The following KIF26B variants were observed in gnomAD, a reference collection of about 807,000 sequenced individuals.
The protein encoded by KIF26B is kinesin family member 26B, also known as kinesin-like protein KIF26B.
A neutral mutation model predicts 151.2 loss-of-function variants in KIF26B; 63 were observed. That is an observed-to-expected ratio of 0.42 (90% CI 0.34 to 0.51). The LOEUF is 0.51. Among genes scored for constraint, KIF26B ranks in the 20% least tolerant of loss-of-function variants. KIF26B has a pLI of 0.07. For missense variants in KIF26B, 2,813 were observed against 2,913.6 expected (o/e 0.97, Z 0.79); for synonymous variants, 1,357 against 1,262.1 (o/e 1.08, Z -1.59).
chr1:245,593,632 A>G (rs2043311996), intron 5 of KIF26B, among the ~76,000 whole-genome samples: 1 of 152,198 alleles, frequency 6.6e-6, no homozygotes, highest in Non-Finnish European at 1.5e-5. Flanking sequence ...CAATAAACAT[A>G]CGTGTGCATG....
At chr1:245,410,650 A>G (rs1049539372) in intron 3 of KIF26B, among the ~76,000 whole-genome samples, 13 of 152,130 alleles carry the variant, frequency 8.5e-5, no homozygotes, top group Non-Finnish European at 1.6e-4. Context: ...GGGTTTCACC[A>G]TGTTACCCAG....
chr1:245,662,394 T>TACACACACACCATATATATATAC (rs142122330), intron 10 of KIF26B, among the ~76,000 whole-genome samples: 5 of 144,608 alleles, frequency 3.5e-5, no homozygotes, highest in Non-Finnish European at 7.5e-5. Context: ...CATATATATA[T>TACACACACACCATATATATATAC]ACACACACAT....
intron 5 of KIF26B, among the ~76,000 whole-genome samples, chr1:245,574,864 C>CTTTT (rs201010492): frequency 1.6e-5 from 2 of 126,252 alleles, no homozygotes; most frequent in Non-Finnish European, 3.4e-5. Context: ...TTTTTTTTTT[C>CTTTT]TTTTTTTTTT....
At chr1:245,175,767 A>G (rs1668792333) in intron 2 of KIF26B, among the ~76,000 whole-genome samples, 1 of 152,014 alleles carries the variant, frequency 6.6e-6, no homozygotes, top group East Asian at 1.9e-4. Flanking sequence ...CGTTTGTTCC[A>G]TTTCTAATTG....
rs1466559205 is a variant in KIF26B at position 245,218,912 on chromosome 1, G to A, written c.465+62229G>A. Reference sequence around the variant, plus strand: ...AGCCAGACCTGAAACCCTTTCCCCGGTTCTTGTTGGCATTTCTGACTTTGC... The same window carrying A: ...AGCCAGACCTGAAACCCTTTCCCCGATTCTTGTTGGCATTTCTGACTTTGC... On this transcript the variant is annotated intron_variant, in intron 2 of 14. Coordinates refer to ENST00000407071, the MANE Select transcript of KIF26B (RefSeq NM_018012.4). This position sits in a 1 kb window ranked among gnomAD's most constrained non-coding sequence, Gnocchi z 4.1. Among the ~76,000 whole-genome samples the A allele has an allele frequency of 6.6e-6, 1 of 152,004 alleles. No homozygotes were observed. Among genetic ancestry groups the A allele is most frequent in the Non-Finnish European group, 1.5e-5 (1 of 68,014 alleles).
chr1:245,535,247 A>T (rs1332293831), intron 4 of KIF26B, among the ~76,000 whole-genome samples: 1 of 152,214 alleles, frequency 6.6e-6, no homozygotes, highest in Non-Finnish European at 1.5e-5. Flanking sequence ...GGAATATATA[A>T]AAAAAGATCA....
intron 4 of KIF26B, among the ~76,000 whole-genome samples, chr1:245,490,562 C>T (rs1212202726): frequency 1.3e-5 from 2 of 152,126 alleles, no homozygotes; most frequent in African/African-American, 4.8e-5. Context: ...CCACCCACCT[C>T]AGCCACCCAA....
At position 245,698,221 on chromosome 1, in the gene KIF26B, G is replaced by A. The variant is rs375988013; in HGVS notation, c.5940G>A (p.Pro1980=). Residue 1980 remains proline, a synonymous_variant, in exon 13 of 15, where the codon CCG becomes CCA. Transcript: ENST00000407071. This position sits in a 1 kb window ranked among gnomAD's most constrained non-coding sequence, Gnocchi z 4.0. ...RWVDGPLRSS[P]RGLGEPFEIK... is the part of the protein sequence containing the mutation. ...TGGATGGCCCCTTGCGGAGCAGCCCGAGGGGCCTTGGGGAACCCTTTGAGA... is the reference window on the plus strand; with the variant it reads ...TGGATGGCCCCTTGCGGAGCAGCCCAAGGGGCCTTGGGGAACCCTTTGAGA... 1.4e-5 allele frequency: 22 copies of A among 1,613,864 alleles called. No homozygotes were observed. The African/African-American group carries it at 1.5e-4, about 11-fold the overall frequency.
At chr1:245,680,628 G>A (rs12759395) in intron 10 of KIF26B, among the ~76,000 whole-genome samples, 61,729 of 152,070 alleles carry the variant, frequency 0.41, 13,957 homozygotes, top group Middle Eastern at 0.57. Flanking sequence ...GGGATCTGCC[G>A]TCAGCTGTGT....
intron 5 of KIF26B, among the ~76,000 whole-genome samples, chr1:245,556,635 C>T (rs887380880): frequency 6.6e-6 from 1 of 152,156 alleles, no homozygotes; most frequent in Non-Finnish European, 1.5e-5. Context: ...CTCCTGAGTT[C>T]GGATGATTTG....
chr1:245,320,439 C>T (rs955598637), intron 2 of KIF26B, among the ~76,000 whole-genome samples: 9 of 152,194 alleles, frequency 5.9e-5, no homozygotes, highest in South Asian at 2.1e-4. Context: ...TAGTGTGCTA[C>T]GTTTGTTTCA....
In KIF26B at chr1:245,419,596, A is replaced by T. The variant is rs766200914; in HGVS notation, c.1017A>T (p.Thr339=). ...TTTGTCAGATCTCCCAGCTGATGAC[A>T]GAGAGTAGCCGGGAGGGACTAACAG... ...LYPYQISQLM[T]ESSREGLTEA... The change falls in exon 4 of 15, where the codon ACA becomes ACT. Residue 339 remains threonine (T), a synonymous_variant. Coordinates refer to ENST00000407071, the MANE Select transcript of KIF26B (RefSeq NM_018012.4). The T allele has an allele frequency of 1.2e-5, 19 of 1,610,998 alleles. No homozygotes were observed. In the East Asian group the frequency reaches 4.3e-4, roughly 36 times the overall value.
intron 5 of KIF26B, among the ~76,000 whole-genome samples, chr1:245,576,584 G>A (rs999151160): frequency 3.3e-5 from 5 of 152,182 alleles, no homozygotes; most frequent in Non-Finnish European, 5.9e-5. Context: ...CCTGCACTCC[G>A]TGTGCCTGGC....
At chr1:245,535,990 T>C (rs1422772329) in intron 4 of KIF26B, among the ~76,000 whole-genome samples, 1 of 152,192 alleles carries the variant, frequency 6.6e-6, no homozygotes, top group Admixed American at 6.5e-5. Flanking sequence ...GATGATAGCA[T>C]TGTCATGTGC....
In KIF26B at chr1:245,688,140, C is replaced by T; in HGVS notation, c.5157C>T (p.Pro1719=). 1 of 1,591,128 alleles carries T rather than the reference C, an allele frequency of 6.3e-7. No homozygotes were observed. Among genetic ancestry groups the T allele is most frequent in the Non-Finnish European group, 8.5e-7 (1 of 1,174,980 alleles). ...SLGRSAGTSP[P]SSGASPKAGQ... ...GCCGCAGCGCCGGGACCTCGCCCCCCAGCTCCGGGGCCTCGCCCAAGGCCG... is the reference window on the plus strand; with the variant it reads ...GCCGCAGCGCCGGGACCTCGCCCCCTAGCTCCGGGGCCTCGCCCAAGGCCG... Residue 1719 remains proline (P), a synonymous_variant, in exon 12 of 15, where the codon CCC becomes CCT. Transcript: ENST00000407071.
chr1:245,568,077 G>C (rs1338194153), intron 5 of KIF26B, among the ~76,000 whole-genome samples: 1 of 150,540 alleles, frequency 6.6e-6, no homozygotes, highest in East Asian at 2.0e-4. Context: ...GCTGAGGCAG[G>C]AGAATTGCTT....
intron 2 of KIF26B, among the ~76,000 whole-genome samples, chr1:245,289,425 T>C (rs1005846013): frequency 2.0e-5 from 3 of 152,202 alleles, no homozygotes; most frequent in Non-Finnish European, 4.4e-5. Flanking sequence ...TAAACATTTA[T>C]TATTAGCTAC....
Position 245,513,265 on chromosome 1 carries a change from A to G in KIF26B, c.1167-27502A>G, listed in dbSNP as rs1660876960. On this transcript the variant is annotated intron_variant, in intron 4 of 14. Transcript: ENST00000407071. Reference sequence around the variant, plus strand: ...TCTCACGTGTTTTCGTGGAGGACCGAGAGTGCTTTTTAGCAGTGAATGAGC... The same window carrying G: ...TCTCACGTGTTTTCGTGGAGGACCGGGAGTGCTTTTTAGCAGTGAATGAGC... Among the ~76,000 whole-genome samples, 5 of 144,444 alleles carry G rather than the reference A, an allele frequency of 3.5e-5. No individual in the cohort carries two copies. In the South Asian group the frequency reaches 1.2e-3, roughly 34 times the overall value. 94.8% of individuals were successfully genotyped at this position (144,444 alleles called of 152,430 possible).
chr1:245,653,623 C>T lies in KIF26B; in HGVS notation c.2258+7343C>T, dbSNP rs541772076. Among the ~76,000 whole-genome samples the T allele has an allele frequency of 1.4e-4, 21 of 152,258 alleles. No homozygotes were observed. In the East Asian group the frequency reaches 4.1e-3, roughly 29 times the overall value. On this transcript the variant is annotated intron_variant, in intron 10 of 14. Transcript: ENST00000407071. Reference sequence around the variant, plus strand: ...TTCACACAGCTAATAGGCAACAGGGCCTCACTGCCTCCCAGTTTATCACCC... The same window carrying T: ...TTCACACAGCTAATAGGCAACAGGGTCTCACTGCCTCCCAGTTTATCACCC...
Sources: allele counts gnomAD v4.1 joint callset (sites outside exome capture counted in the v4.1 genomes callset), GRCh38; gene constraint gnomAD v4.1.1; non-coding constraint Gnocchi (gnomAD v3.1); transcripts MANE v1.5; gene names NCBI Gene and HGNC (gene_info 2026-07-23, HGNC 2026-07-21).